ZFHX3: variants seen among roughly 807,000 people sequenced by gnomAD.
The protein encoded by ZFHX3 is zinc finger homeobox protein 3.
Under a neutral mutation model 279.1 loss-of-function variants are expected in ZFHX3, and 42 were observed. That is an observed-to-expected ratio of 0.15 (90% confidence interval 0.12 to 0.19). ZFHX3 has a LOEUF of 0.19. ZFHX3 is among the 10% of genes least tolerant of loss of function. The probability of loss-of-function intolerance (pLI) is 1.00; values close to 1 mark genes in which losing one functional copy is unlikely to be tolerated. For synonymous variants in ZFHX3, 2,293 were observed against 1,957.8 expected, an observed-to-expected ratio of 1.17 and a Z score of -4.52; for missense variants, 4,981 against 4,754.0, an observed-to-expected ratio of 1.05 and a Z score of -1.40.
chr16:73,623,338 G>A (rs2052385454), intron 2 of ZFHX3, among the ~76,000 whole-genome samples: 1 of 152,092 alleles, frequency 6.6e-6, no homozygotes, highest in African/African-American at 2.4e-5. Context: ...GCCCGGCCGG[G>A]CACATTGTAT....
At chr16:73,613,688 T>G (rs2052270404) in intron 2 of ZFHX3, among the ~76,000 whole-genome samples, 1 of 152,254 alleles carries the variant, frequency 6.6e-6, no homozygotes, top group African/African-American at 2.4e-5. Context: ...TATAGCTACT[T>G]TGAAATGTTT....
chr16:73,450,720 C>T (rs537674137), intron 3 of ZFHX3, among the ~76,000 whole-genome samples: 8 of 152,264 alleles, frequency 5.3e-5, no homozygotes, highest in East Asian at 1.9e-4. Flanking sequence ...CTGAACATGT[C>T]GAAGGAGAAC....
At chr16:73,834,286 A>C (rs569609147) in intron 1 of ZFHX3, among the ~76,000 whole-genome samples, 3 of 152,306 alleles carry the variant, frequency 2.0e-5, no homozygotes, top group South Asian at 2.1e-4. Context: ...TCTTGCAAGG[A>C]GAGAAGTGGT....
chr16:73,550,072 T>C (rs1171641123), intron 2 of ZFHX3, among the ~76,000 whole-genome samples: 1 of 151,690 alleles, frequency 6.6e-6, no homozygotes, highest in Non-Finnish European at 1.5e-5. Context: ...AGGGAAAAGG[T>C]GATTGTTTCA....
At chr16:73,688,996 G>C (rs930199935) in intron 1 of ZFHX3, among the ~76,000 whole-genome samples, 1 of 152,102 alleles carries the variant, frequency 6.6e-6, no homozygotes, top group Non-Finnish European at 1.5e-5. Context: ...TTTGTGAATT[G>C]CCTGGTCTTG....
At chr16:73,293,998 A>C (rs892693713) in intron 4 of ZFHX3, 2 of 151,124 alleles carry the variant, frequency 1.3e-5, no homozygotes, top group South Asian at 2.1e-4. Context: ...AAAAAAAAAA[A>C]AAAAAAAAAA....
intron 3 of ZFHX3, among the ~76,000 whole-genome samples, chr16:73,375,889 C>G (rs1007518392): frequency 6.6e-6 from 1 of 152,142 alleles, no homozygotes; most frequent in African/African-American, 2.4e-5. Flanking sequence ...TTAGATGGAT[C>G]CTTCTCTGTG....
intron 8 of ZFHX3, among the ~76,000 whole-genome samples, chr16:73,074,658 T>G (rs1965865337): frequency 6.6e-6 from 1 of 151,040 alleles, no homozygotes; most frequent in African/African-American, 2.4e-5. Context: ...AAGATGAAGA[T>G]AGTTCTGGGC....
At chr16:73,475,813 C>A (rs1443494963) in intron 2 of ZFHX3, among the ~76,000 whole-genome samples, 1 of 151,956 alleles carries the variant, frequency 6.6e-6, no homozygotes, top group Non-Finnish European at 1.5e-5. Flanking sequence ...CAAATATTTT[C>A]TCATATACTG....
intron 2 of ZFHX3, among the ~76,000 whole-genome samples, chr16:73,588,914 A>T (rs1334998073): frequency 6.6e-6 from 1 of 151,976 alleles, no homozygotes; most frequent in Non-Finnish European, 1.5e-5. Flanking sequence ...ACAGAGGAGA[A>T]ACATATAGAA....
chr16:73,161,869 A>G (rs1046789659), intron 5 of ZFHX3, among the ~76,000 whole-genome samples: 9 of 152,348 alleles, frequency 5.9e-5, no homozygotes, highest in African/African-American at 2.2e-4. Context: ...TGAAACTTCT[A>G]GAACTCAGAA....
intron 7 of ZFHX3, among the ~76,000 whole-genome samples, chr16:72,806,657 A>C (rs993058843): frequency 1.2e-4 from 19 of 152,184 alleles, no homozygotes; most frequent in Non-Finnish European, 2.9e-5. Context: ...CCTGTCCTAG[A>C]GATTCACAGA....
At chr16:73,442,817 T>A (rs1338528461) in intron 3 of ZFHX3, among the ~76,000 whole-genome samples, 1 of 152,190 alleles carries the variant, frequency 6.6e-6, no homozygotes, top group Non-Finnish European at 1.5e-5. Flanking sequence ...GCAATGGGTG[T>A]TTGGGAAATT....
chr16:73,155,998 C>T (rs574741252), intron 5 of ZFHX3, among the ~76,000 whole-genome samples: 17 of 151,416 alleles, frequency 1.1e-4, no homozygotes, highest in Non-Finnish European at 2.1e-4. Context: ...TTTGGGAGGC[C>T]GAGATGGGCG....
At chr16:73,072,554 T>C (rs919781776) in intron 8 of ZFHX3, among the ~76,000 whole-genome samples, 12 of 152,296 alleles carry the variant, frequency 7.9e-5, no homozygotes, top group African/African-American at 2.4e-4. Context: ...CCTTCAGTGT[T>C]TGGGTTCATT....
At chr16:72,977,080 G>A (rs1430836393) in intron 1 of ZFHX3, among the ~76,000 whole-genome samples, 1 of 152,204 alleles carries the variant, frequency 6.6e-6, no homozygotes, top group Non-Finnish European at 1.5e-5. Context: ...CTACACATAA[G>A]CATTTCTTCT....
intron 1 of ZFHX3, among the ~76,000 whole-genome samples, chr16:73,040,962 C>T (rs1470502669): frequency 3.3e-5 from 5 of 152,220 alleles, no homozygotes; most frequent in African/African-American, 4.8e-5. Flanking sequence ...GGGTGTAACA[C>T]TGATGGCCTC....
chr16:73,588,702 C>CAAAAAAAAAAAAAAAA (rs35658515), intron 2 of ZFHX3, among the ~76,000 whole-genome samples: 2 of 56,402 alleles, frequency 3.5e-5, no homozygotes, highest in African/African-American at 1.1e-4. Context: ...AAACAAAAAA[C>CAAAAAAAAAAAAAAAA]AAAACAAAAA....
At chr16:73,350,048 T>G (rs2016209696) in intron 3 of ZFHX3, among the ~76,000 whole-genome samples, 1 of 151,696 alleles carries the variant, frequency 6.6e-6, no homozygotes. Flanking sequence ...TTTTTCCTTG[T>G]GTAGGGAAAG....
Sources: gnomAD v4.1 joint callset for allele counts (sites outside exome capture counted in the v4.1 genomes callset) on GRCh38, gnomAD v4.1.1 for gene constraint, MANE v1.5 for transcripts, NCBI Gene and HGNC (gene_info 2026-07-23, HGNC 2026-07-21) for gene names.